Variants in CIMIP1 observed in about 807,000 individuals in gnomAD.
The protein encoded by CIMIP1 is low in lung cancer 1.
the CIMIP1 span, among the ~76,000 whole-genome samples, chr20:58,160,243 G>T: frequency 2.0e-5 from 3 of 152,172 alleles, no homozygotes; most frequent in Non-Finnish European, 4.4e-5. Flanking sequence ...TGGAGTGTGT[G>T]TGTATATACA....
the CIMIP1 span, among the ~76,000 whole-genome samples, chr20:58,152,169 C>T: frequency 6.6e-6 from 1 of 152,098 alleles, no homozygotes; most frequent in Non-Finnish European, 1.5e-5. Flanking sequence ...GCATAAAATA[C>T]ACAACTATTT....
chr20:58,155,534 A>G, the CIMIP1 span: 1 of 1,614,100 alleles, frequency 6.2e-7, no homozygotes, highest in Non-Finnish European at 8.5e-7. Flanking sequence ...GCGTTTCCGC[A>G]TCCGGCCGGT....
chr20:58,159,894 A>G, the CIMIP1 span, among the ~76,000 whole-genome samples: 9 of 152,272 alleles, frequency 5.9e-5, no homozygotes, highest in African/African-American at 2.2e-4. Context: ...CAGCCAGCCC[A>G]CTCGGGACCA....
chr20:58,157,816 C>G, the CIMIP1 span, among the ~76,000 whole-genome samples: 2 of 152,220 alleles, frequency 1.3e-5, no homozygotes, highest in Non-Finnish European at 2.9e-5. Context: ...GGAGCTCGCT[C>G]TCCTGTGGCC....
the CIMIP1 span, among the ~76,000 whole-genome samples, chr20:58,160,476 G>A: frequency 6.6e-6 from 1 of 152,282 alleles, no homozygotes; most frequent in Non-Finnish European, 1.5e-5. Flanking sequence ...CATGTTTGAT[G>A]TTCCTCACTT....
chr20:58,160,580 A>C, the CIMIP1 span: 1 of 1,449,664 alleles, frequency 6.9e-7, no homozygotes, highest in African/African-American at 1.4e-5. Flanking sequence ...TGTCTTTTCC[A>C]CCCCTGCCTC....
chr20:58,155,325 C>T, the CIMIP1 span: 2 of 625,434 alleles, frequency 3.2e-6, no homozygotes, highest in Non-Finnish European at 2.8e-6. Context: ...ACTTCTGTGT[C>T]TATAAAATGC....
At chr20:58,153,434 C>T in the CIMIP1 span, 2 of 797,406 alleles carry the variant, frequency 2.5e-6, no homozygotes, top group Non-Finnish European at 2.1e-6. Context: ...CACTCCGTCC[C>T]TGGTGCAGAA....
the CIMIP1 span, among the ~76,000 whole-genome samples, chr20:58,155,069 G>T: frequency 1.3e-5 from 2 of 152,232 alleles, no homozygotes; most frequent in African/African-American, 4.8e-5. Flanking sequence ...GCCTCCCAAA[G>T]TGTTGGGATT....
chr20:58,152,227 C>T, the CIMIP1 span, among the ~76,000 whole-genome samples: 763 of 151,448 alleles, frequency 5.0e-3, 6 homozygotes, highest in Non-Finnish European at 6.9e-3. Context: ...GCTGCCACAG[C>T]AGGATCTGTT....
chr20:58,152,722 C>CAAAAAAAAAAAAAAAAAAAAAAAAAA, the CIMIP1 span, among the ~76,000 whole-genome samples: 1 of 84,888 alleles, frequency 1.2e-5, no homozygotes, highest in Non-Finnish European at 2.3e-5. Flanking sequence ...GAAACTCCAT[C>CAAAAAAAAAAAAAAAAAAAAAAAAAA]AAAAAAAAAA....
the CIMIP1 span, among the ~76,000 whole-genome samples, chr20:58,159,042 A>G: frequency 6.6e-6 from 1 of 152,216 alleles, no homozygotes; most frequent in Non-Finnish European, 1.5e-5. Context: ...CTTATGTCCA[A>G]TTGTTTGCTA....
the CIMIP1 span, chr20:58,155,402 A>T: frequency 7.7e-7 from 1 of 1,303,468 alleles, no homozygotes; most frequent in Non-Finnish European, 1.1e-6. Context: ...GTCTCTGGGG[A>T]TTCTGTTTCA....
chr20:58,160,105 A>G, the CIMIP1 span, among the ~76,000 whole-genome samples: 1 of 152,244 alleles, frequency 6.6e-6, no homozygotes, highest in African/African-American at 2.4e-5. Flanking sequence ...TCATTTTCCA[A>G]AAATGTCAAA....
chr20:58,157,415 T>C, the CIMIP1 span, among the ~76,000 whole-genome samples: 1 of 152,212 alleles, frequency 6.6e-6, no homozygotes, highest in African/African-American at 2.4e-5. Flanking sequence ...CAAATATTCC[T>C]CAAATGTATG....
the CIMIP1 span, chr20:58,153,423 T>G: frequency 1.2e-5 from 9 of 726,528 alleles, no homozygotes; most frequent in Non-Finnish European, 2.2e-5. Flanking sequence ...GTCTGGCTCC[T>G]CACTCCGTCC....
the CIMIP1 span, chr20:58,160,870 A>G: frequency 8.9e-6 from 14 of 1,571,216 alleles, no homozygotes; most frequent in Non-Finnish European, 1.0e-5. Context: ...GTCACCAGGC[A>G]CCCAGGGCCA....
At chr20:58,160,612 C>A in the CIMIP1 span, 7 of 1,578,550 alleles carry the variant, frequency 4.4e-6, no homozygotes, top group Non-Finnish European at 6.0e-6. Flanking sequence ...CTGGGTGCCT[C>A]GTGTCTCTGT....
At chr20:58,158,663 T>A in the CIMIP1 span, among the ~76,000 whole-genome samples, 1 of 150,638 alleles carries the variant, frequency 6.6e-6, no homozygotes, top group South Asian at 2.1e-4. Flanking sequence ...AAAAAAAAAA[T>A]GGTAGCTGGT....
Sources: gnomAD v4.1 joint callset for allele counts (sites outside exome capture counted in the v4.1 genomes callset) on GRCh38, gnomAD v4.1.1 for gene constraint, MANE v1.5 for transcripts, NCBI Gene and HGNC (gene_info 2026-07-23, HGNC 2026-07-21) for gene names.